Variants in COL18A1 observed in about 807,000 individuals in gnomAD.
COL18A1 encodes collagen type XVIII alpha 1 chain.
In COL18A1, 133 loss-of-function variants were observed where a neutral mutation model predicts 168.0. The ratio of observed to expected loss-of-function variants is 0.79; its 90% CI spans 0.69 to 0.91. The LOEUF is 0.91. Among genes scored for constraint, COL18A1 ranks in the 40% least tolerant of loss-of-function variants. The pLI is 0.00. For synonymous variants in COL18A1, 949 were observed against 809.0 expected, an observed-to-expected ratio of 1.17 and a Z score of -2.94; for missense variants, 2,126 against 1,925.4, an observed-to-expected ratio of 1.10 and a Z score of -1.95.
At chr21:45,449,824 A>G (rs932848478) in intron 2 of COL18A1, among the ~76,000 whole-genome samples, 7 of 152,020 alleles carry the variant, frequency 4.6e-5, no homozygotes, top group South Asian at 2.1e-4. Flanking sequence ...CCCGGTGGCC[A>G]GGTCTGGTGA....
At position 45,505,387 on chromosome 21, in the gene COL18A1, C is replaced by G. The variant is rs956592599; in HGVS notation, c.3043C>G (p.Pro1015Ala). The G allele has an allele frequency of 5.7e-6, 9 of 1,570,434 alleles. No individual in the cohort carries two copies. Among genetic ancestry groups the G allele is most frequent in the African/African-American group, 1.4e-5 (1 of 74,032 alleles). Residue 1015 changes from proline (P) to alanine (A), a missense_variant, in exon 36 of 42, where the codon CCT (proline) becomes GCT (alanine). Coordinates refer to ENST00000651438, the MANE Select transcript of COL18A1 (RefSeq NM_001379500.1). ...TISVPGPPGP[P>A]GPPGPPGTMG... Reference sequence around the variant, plus strand: ...CAGCGTTCCCGGCCCTCCGGGCCCCCCTGGGCCCCCTGGGCCCCCTGGAAC... The same window carrying G: ...CAGCGTTCCCGGCCCTCCGGGCCCCGCTGGGCCCCCTGGGCCCCCTGGAAC...
intron 2 of COL18A1, among the ~76,000 whole-genome samples, chr21:45,436,868 G>C (rs952043292): frequency 6.7e-6 from 1 of 149,338 alleles, no homozygotes; most frequent in African/African-American, 2.5e-5. Flanking sequence ...CTGGGGAGTT[G>C]CTGGCTGGGG....
rs1400130911 is a variant in COL18A1 at position 45,487,008 on chromosome 21, A to G, written c.1833+16A>G. The stretch of plus-strand genomic sequence containing the variant: ...CGCTGGATTTGTGAGTACCGCCTAC[A>G]CCTGACCCCCTGGAGAGCCGGGGGC... On this transcript the variant is annotated intron_variant, in intron 16 of 41. Coordinates refer to ENST00000651438, the MANE Select transcript of COL18A1 (RefSeq NM_001379500.1). The G allele has an allele frequency of 2.7e-6, 4 of 1,507,932 alleles. No individual in the cohort carries two copies. The South Asian group carries it at 5.2e-5, about 20-fold the overall frequency. 93.4% of individuals were successfully genotyped at this position (1,507,932 alleles called of 1,614,324 possible). A position where few individuals can be genotyped will look rare whatever the true frequency, so the allele number is the denominator to read the frequency against.
At chr21:45,411,301 G>A (rs1291249181) in intron 2 of COL18A1, among the ~76,000 whole-genome samples, 1 of 152,190 alleles carries the variant, frequency 6.6e-6, no homozygotes, top group Non-Finnish European at 1.5e-5. Flanking sequence ...AGGCCAGCAG[G>A]ATTGGGGGCT....
intron 18 of COL18A1, among the ~76,000 whole-genome samples, chr21:45,488,771 C>T (rs997354102): frequency 8.5e-5 from 13 of 152,130 alleles, no homozygotes; most frequent in African/African-American, 2.9e-4. Flanking sequence ...TCAGGGTCCC[C>T]ACCTCAGCCT....
intron 28 of COL18A1, 177 bp downstream of exon 28, chr21:45,495,092 C>A: frequency 1.5e-6 from 1 of 674,508 alleles, no homozygotes; most frequent in East Asian, 2.7e-5. Flanking sequence ...GCTGGCAGTA[C>A]CCCACGAGGG....
At chr21:45,452,137 C>T (rs981861300) in intron 2 of COL18A1, among the ~76,000 whole-genome samples, 5 of 152,258 alleles carry the variant, frequency 3.3e-5, no homozygotes, top group African/African-American at 1.2e-4. Flanking sequence ...ATGGTGCCAT[C>T]TGGGCACCCA....
Position 45,468,554 on chromosome 21 carries a change from C to A in COL18A1, c.419C>A (p.Thr140Lys). Residue 140 changes from threonine to lysine, a missense_variant, in exon 3 of 42, where the codon ACA (threonine) becomes AAA (lysine). Transcript: ENST00000651438. ...CACCAGGACATCTCCCTGCTCTACA[C>A]AGAACCAGGTGCAGGCCAGACCCAC... ...DGHQDISLLY[T>K]EPGAGQTHTA... The A allele has an allele frequency of 6.2e-7, 1 of 1,613,524 alleles. No individual in the cohort carries two copies. Among genetic ancestry groups the A allele is most frequent in the South Asian group, 1.1e-5 (1 of 91,076 alleles).
Position 45,507,811 on chromosome 21 carries a change from G to A in COL18A1, c.3249+218G>A, listed in dbSNP as rs1339747734. Among the ~76,000 whole-genome samples, 5 of 152,334 alleles carry A rather than the reference G, an allele frequency of 3.3e-5. No homozygotes were observed. The East Asian group carries it at 5.8e-4, about 18-fold the overall frequency. ...CCTCCGTCTCAGCTGCTGGCCTCAC[G>A]AGGGAGCCCCTCTCATCCCTCAACT... On this transcript the variant is annotated intron_variant, in intron 38 of 41. Transcript: ENST00000651438.
chr21:45,437,076 A>G (rs939321100), intron 2 of COL18A1, among the ~76,000 whole-genome samples: 1 of 151,944 alleles, frequency 6.6e-6, no homozygotes, highest in African/African-American at 2.4e-5. Context: ...TGCTGTTCAC[A>G]CCACAGCATC....
At chr21:45,422,111 TCA>T (rs372425601) in intron 2 of COL18A1, among the ~76,000 whole-genome samples, 10 of 151,488 alleles carry the variant, frequency 6.6e-5, no homozygotes, top group East Asian at 3.9e-4. Flanking sequence ...ACACACACGT[TCA>T]CACACACAGG....
chr21:45,443,828 A>T lies in COL18A1; in HGVS notation c.107-24414A>T, dbSNP rs1235756147. 1.3e-5 allele frequency among the ~76,000 whole-genome samples: 2 copies of T among 152,140 alleles called. No individual in the cohort carries two copies. The highest frequency in any genetic ancestry group is 4.8e-5 in the African/African-American group (2 of 41,422). ...AGCTGAGCTGCAGCACTAAGGAGAG[A>T]TGCCTGCTGCATGATCCCCTAGATG... On this transcript the variant is annotated intron_variant, in intron 2 of 41. Transcript: ENST00000651438. This position sits in a 1 kb window ranked among gnomAD's most constrained non-coding sequence, Gnocchi z 5.2.
Position 45,423,203 on chromosome 21 carries a change from G to T in COL18A1, c.106+17730G>T, listed in dbSNP as rs1432246143. Among the ~76,000 whole-genome samples the T allele has an allele frequency of 6.6e-6, 1 of 152,160 alleles. No individual in the cohort carries two copies. The highest frequency in any genetic ancestry group is 1.5e-5 in the Non-Finnish European group (1 of 68,026). On this transcript the variant is annotated intron_variant, in intron 2 of 41. Coordinates refer to ENST00000651438, the MANE Select transcript of COL18A1 (RefSeq NM_001379500.1). The surrounding 1 kb of genome is among the most constrained non-coding windows in gnomAD (Gnocchi z 4.0). ...AAATGGTGTCCTGGAGCTTAAGGGA[G>T]TTGGAAACCATGGCTTATGTTCCAT...
chr21:45,478,001 TGGAGGGTGGGGGCTTGGGTA>T, intron 8 of COL18A1, 36 bp downstream of exon 8: 1 of 1,160,878 alleles, frequency 8.6e-7, no homozygotes, highest in Non-Finnish European at 1.3e-6. Context: ...CGGCCCGGTC[TGGAGGGTGGGGGCTTGGGTA>T]GGAGGGGGAG....
chr21:45,479,807 C>G, intron 9 of COL18A1, 95 bp from the exon 10 acceptor site: 1 of 1,547,322 alleles, frequency 6.5e-7, no homozygotes. Flanking sequence ...GCTCAGCTCC[C>G]GTCCGTCCCC....
rs56196443 is a variant in COL18A1, at chr21:45,476,921, TTGTGTG to T, written c.929-465_929-460del. On this transcript the variant is annotated intron_variant, in intron 6 of 41. Coordinates refer to ENST00000651438, the MANE Select transcript of COL18A1 (RefSeq NM_001379500.1). ...ATGTGTGTGATGTGTATTATGTGTT[TTGTGTG>T]TGTGTGTGTGTGTGTGTGTGTGTGG... is the stretch of plus-strand genomic sequence containing the variant. 7.1e-3 allele frequency among the ~76,000 whole-genome samples: 1,039 copies of T among 146,950 alleles called. 11 individuals are homozygous for T. The highest frequency in any genetic ancestry group is 0.023 in the African/African-American group (906 of 39,946).
rs900555848 is a variant in COL18A1, at chr21:45,496,708, T to A, written c.2577+140T>A. On this transcript the variant is annotated intron_variant, in intron 30 of 41. Transcript: ENST00000651438. ...ATGTGCCAGTCTGGTGGGCAGTGGA[T>A]TAGCAGCTGAGTTCCCACGGAAGGT... 45 of 712,906 alleles carry A rather than the reference T, an allele frequency of 6.3e-5. No individual in the cohort carries two copies. In the African/African-American group the frequency reaches 7.9e-4, roughly 12 times the overall value. 44.2% of individuals were successfully genotyped at this position (712,906 alleles called of 1,614,324 possible). A position where few individuals can be genotyped will look rare whatever the true frequency, so the allele number is the denominator to read the frequency against.
In COL18A1 at chr21:45,505,979, T is replaced by C. The variant is rs377411702; in HGVS notation, c.3216+13T>C. The C allele has an allele frequency of 9.3e-6, 15 of 1,612,814 alleles. No individual in the cohort carries two copies. Among genetic ancestry groups the C allele is most frequent in the Non-Finnish European group, 1.2e-5 (14 of 1,179,910 alleles). ...CCGGAAGGTCCAGGTGAGCGCTCTG[T>C]GTGACGGGTTCTGGACCCGTGGAAG... On this transcript the variant is annotated intron_variant, in intron 37 of 41. Transcript: ENST00000651438.
chr21:45,456,855 A>G, intron 2 of COL18A1: 1 of 1,473,712 alleles, frequency 6.8e-7, no homozygotes, highest in African/African-American at 1.4e-5. Context: ...GAGGATGGGT[A>G]CTGTGTGCTC....
Sources: allele counts gnomAD v4.1 joint callset (sites outside exome capture counted in the v4.1 genomes callset), GRCh38; gene constraint gnomAD v4.1.1; non-coding constraint Gnocchi (gnomAD v3.1); transcripts MANE v1.5; gene names NCBI Gene and HGNC (gene_info 2026-07-23, HGNC 2026-07-21).